The following GALNT11 variants were observed in gnomAD, a reference collection of about 807,000 sequenced individuals.
GALNT11 encodes the protein polypeptide N-acetylgalactosaminyltransferase 11, also known as UDP-GalNAc:polypeptide N-acetylgalactosaminyltransferase 11.
A neutral mutation model predicts 72.7 loss-of-function variants in GALNT11; 47 were observed. The observed-to-expected ratio is 0.65, with a 90% confidence interval of 0.51 to 0.82. The LOEUF (loss-of-function observed/expected upper bound fraction) is 0.82. Ranked by LOEUF, GALNT11 falls within the 40% of genes least tolerant of loss-of-function variation. GALNT11 has a pLI of 0.00. For missense variants in GALNT11, 677 were observed against 778.4 expected (o/e 0.87, Z 1.55); for synonymous variants, 270 against 286.6 (o/e 0.94, Z 0.58).
chr7:152,103,518 C>T (rs7788854), intron 4 of GALNT11: 5,650 of 422,894 alleles, frequency 0.013, 249 homozygotes, highest in African/African-American at 0.1. Flanking sequence ...AAAAAACACA[C>T]CTCTTTTTAT....
rs542801649 is a variant in GALNT11 at position 152,102,457 on chromosome 7, G to A, written c.420-655G>A. Among the ~76,000 whole-genome samples, 31 of 152,100 alleles carry A rather than the reference G, an allele frequency of 2.0e-4. 1 individual carries two copies. The highest frequency in any genetic ancestry group is 3.4e-3 in the Middle Eastern group (1 of 292). Reference sequence around the variant, plus strand: ...CTCAGGAGGTTGAGGCAGGAGAATCGCTTGAACCAGGGAGTCGGAGGTTGC... The same window carrying A: ...CTCAGGAGGTTGAGGCAGGAGAATCACTTGAACCAGGGAGTCGGAGGTTGC... On this transcript the variant is annotated intron_variant, in intron 3 of 11. Coordinates refer to ENST00000430044, the MANE Select transcript of GALNT11 (RefSeq NM_022087.4).
intron 1 of GALNT11, 23 bp downstream of exon 1, chr7:152,025,907 C>A: frequency 4.4e-6 from 1 of 226,846 alleles, no homozygotes; most frequent in Non-Finnish European, 9.6e-6. Context: ...TAGGCGGCGG[C>A]CTCCCGGCGT....
intron 8 of GALNT11, 91 bp from the exon 9 acceptor site, chr7:152,117,065 TG>T: frequency 9.3e-7 from 1 of 1,074,478 alleles, no homozygotes; most frequent in African/African-American, 1.6e-5. Flanking sequence ...TTGTTAGTAA[TG>T]GACTTAATCG....
At chr7:152,051,245 G>A (rs368802625) in intron 1 of GALNT11, among the ~76,000 whole-genome samples, 27 of 129,342 alleles carry the variant, frequency 2.1e-4, no homozygotes, top group Non-Finnish European at 3.5e-4. Context: ...TGTGCCAGCC[G>A]GGATTTTGAC....
intron 1 of GALNT11, among the ~76,000 whole-genome samples, chr7:152,087,488 C>T (rs954087795): frequency 3.9e-5 from 6 of 152,146 alleles, no homozygotes; most frequent in African/African-American, 1.4e-4. Flanking sequence ...GAAAAGTGCT[C>T]AGAGAGGTAA....
At chr7:152,109,604 CTGTTTCTGGTGTA>C (rs1157323250) in intron 6 of GALNT11, among the ~76,000 whole-genome samples, 1 of 152,156 alleles carries the variant, frequency 6.6e-6, no homozygotes, top group East Asian at 1.9e-4. Context: ...CCCTTCATAT[CTGTTTCTGGTGTA>C]TGTTGTTTCT....
At chr7:152,041,119 G>T (rs112486471) in intron 1 of GALNT11, among the ~76,000 whole-genome samples, 5 of 152,138 alleles carry the variant, frequency 3.3e-5, no homozygotes, top group Non-Finnish European at 7.4e-5. Context: ...CTCTTCCTTG[G>T]CATCTGGCTT....
intron 6 of GALNT11, among the ~76,000 whole-genome samples, chr7:152,109,246 C>G (rs1465914451): frequency 6.6e-6 from 1 of 152,220 alleles, no homozygotes; most frequent in Admixed American, 6.5e-5. Flanking sequence ...CCTTATGTTT[C>G]ACCATTGTTT....
At chr7:152,115,997 G>A (rs2088808718) in intron 8 of GALNT11, among the ~76,000 whole-genome samples, 1 of 152,062 alleles carries the variant, frequency 6.6e-6, no homozygotes, top group Non-Finnish European at 1.5e-5. Flanking sequence ...TGGAGGTTGT[G>A]GTGTGCCGAG....
chr7:152,098,231 C>G (rs1047224548), intron 2 of GALNT11, among the ~76,000 whole-genome samples: 5 of 151,936 alleles, frequency 3.3e-5, no homozygotes, highest in Non-Finnish European at 7.4e-5. Flanking sequence ...GCTGGTAGAT[C>G]GCTTGGGCTC....
intron 2 of GALNT11, 54 bp from the exon 3 acceptor site, chr7:152,100,744 A>G: frequency 6.3e-7 from 1 of 1,594,344 alleles, no homozygotes; most frequent in Non-Finnish European, 8.6e-7. Context: ...TATCGTTAAC[A>G]GTAACATGAT....
chr7:152,073,234 AC>A (rs2084766935), intron 1 of GALNT11, among the ~76,000 whole-genome samples: 1 of 152,200 alleles, frequency 6.6e-6, no homozygotes, highest in African/African-American at 2.4e-5. Context: ...AGTGCTATAG[AC>A]CAGTAGAACT....
chr7:152,042,033 G>A (rs983458908), intron 1 of GALNT11, among the ~76,000 whole-genome samples: 1 of 152,216 alleles, frequency 6.6e-6, no homozygotes, highest in Non-Finnish European at 1.5e-5. Context: ...AATGGATAAT[G>A]TAACACTGAA....
chr7:152,093,569 T>C (rs149046142), intron 1 of GALNT11, among the ~76,000 whole-genome samples: 3 of 152,052 alleles, frequency 2.0e-5, no homozygotes, highest in Admixed American at 2.0e-4. Context: ...GGGATTATTA[T>C]AGGCGCCCAC....
chr7:152,040,552 A>G (rs1352624768), intron 1 of GALNT11, among the ~76,000 whole-genome samples: 2 of 152,202 alleles, frequency 1.3e-5, no homozygotes, highest in African/African-American at 4.8e-5. Flanking sequence ...CCTTCAGTCA[A>G]AGGTCCTGGA....
chr7:152,028,385 A>T (rs146858640), intron 1 of GALNT11, among the ~76,000 whole-genome samples: 1 of 152,156 alleles, frequency 6.6e-6, no homozygotes, highest in Non-Finnish European at 1.5e-5. Context: ...TTAGCTAGAC[A>T]CAGAGCGCTG....
In GALNT11 at chr7:152,072,604, T is replaced by C. The variant is rs1183258944; in HGVS notation, c.-38-21586T>C. 2.6e-5 allele frequency among the ~76,000 whole-genome samples: 4 copies of C among 152,358 alleles called. No homozygotes were observed. In the East Asian group the frequency reaches 5.8e-4, roughly 22 times the overall value. ...TATTCGTGCTGAATGTGCCCAGGCA[T>C]GTCCCAGCTTGCAGCCTCCTCCCTT... On this transcript the variant is annotated intron_variant, in intron 1 of 11. Coordinates refer to ENST00000430044, the MANE Select transcript of GALNT11 (RefSeq NM_022087.4).
chr7:152,118,608 A>G, intron 9 of GALNT11, 70 bp from the exon 10 acceptor site: 1 of 1,405,606 alleles, frequency 7.1e-7, no homozygotes, highest in Non-Finnish European at 9.8e-7. Context: ...TTTTGCCTGG[A>G]ACCACCTCCA....
intron 11 of GALNT11, 123 bp from the exon 12 acceptor site, chr7:152,121,423 C>A: frequency 8.3e-7 from 1 of 1,198,086 alleles, no homozygotes; most frequent in East Asian, 2.5e-5. Context: ...AGAAAACTAA[C>A]CTTTGGCTAA....
Sources: allele counts gnomAD v4.1 joint callset (sites outside exome capture counted in the v4.1 genomes callset), GRCh38; gene constraint gnomAD v4.1.1; transcripts MANE v1.5; gene names NCBI Gene and HGNC (gene_info 2026-07-23, HGNC 2026-07-21).